Variants in ENTPD7 observed in about 807,000 individuals in gnomAD.
ENTPD7 encodes NTPDase 7.
In ENTPD7, 53 loss-of-function variants were observed where a neutral mutation model predicts 77.9. The observed-to-expected ratio is 0.68, with a 90% CI of 0.55 to 0.85. The LOEUF is 0.85. ENTPD7 is among the 40% of genes least tolerant of loss of function. ENTPD7 has a pLI of 0.00. For missense variants in ENTPD7, 636 were observed against 743.7 expected (o/e 0.86, Z 1.68); for synonymous variants, 248 against 274.9 (o/e 0.90, Z 0.97).
rs192441686 is a variant in ENTPD7 at position 99,708,590 on chromosome 10, T to C, written c.*3907T>C. ...ACAAGGTAGAAAAATCATATGATTT[T>C]GGGAAGAGCATTTTGTCCTTTGGTT... is the stretch of plus-strand genomic sequence containing the variant. On this transcript the variant is annotated 3_prime_UTR_variant, in exon 13 of 13. Transcript: ENST00000370489. Among the ~76,000 whole-genome samples, 1 of 152,228 alleles carries C rather than the reference T, an allele frequency of 6.6e-6. No homozygotes were observed. The highest frequency in any genetic ancestry group is 1.5e-5 in the Non-Finnish European group (1 of 68,040).
At chr10:99,681,561 C>T (rs1037025907) in intron 5 of ENTPD7, among the ~76,000 whole-genome samples, 2 of 152,074 alleles carry the variant, frequency 1.3e-5, no homozygotes, top group African/African-American at 2.4e-5. Flanking sequence ...GAATTACAGG[C>T]GTGAGCCACC....
chr10:99,704,399 C>CCCTTTGAA, intron 12 of ENTPD7, 53 bp from the exon 13 acceptor site: 1 of 1,566,194 alleles, frequency 6.4e-7, no homozygotes, highest in Non-Finnish European at 8.8e-7. Flanking sequence ...GTAAATGTCT[C>CCCTTTGAA]CCTTTGAAAC....
chr10:99,708,755 A>T lies in ENTPD7; in HGVS notation c.*4072A>T. 2 of 855,378 alleles carry T rather than the reference A, an allele frequency of 2.3e-6. No individual in the cohort carries two copies. The highest frequency in any genetic ancestry group is 2.8e-6 in the Non-Finnish European group (2 of 711,328). 53.0% of individuals were successfully genotyped at this position (855,378 alleles called of 1,614,324 possible). On this transcript the variant is annotated 3_prime_UTR_variant, in exon 13 of 13. Transcript: ENST00000370489. ...AGCTTCTGGTCAACCCCCTTGATTTATATGGGTGATAAAACTGAGGCCTAG... is the reference window on the plus strand; with the variant it reads ...AGCTTCTGGTCAACCCCCTTGATTTTTATGGGTGATAAAACTGAGGCCTAG...
chr10:99,686,034 G>C, intron 6 of ENTPD7, 139 bp downstream of exon 6: 1 of 567,912 alleles, frequency 1.8e-6, no homozygotes, highest in East Asian at 2.9e-5. Context: ...CTACATAGTT[G>C]ATTTGATTAT....
At chr10:99,678,482 G>GA (rs930878059) in intron 3 of ENTPD7, among the ~76,000 whole-genome samples, 2 of 141,838 alleles carry the variant, frequency 1.4e-5, no homozygotes, top group African/African-American at 2.6e-5. Flanking sequence ...AAAGAAAAAA[G>GA]AAAAAAAAAG....
At chr10:99,684,940 T>C (rs924069558) in intron 5 of ENTPD7, among the ~76,000 whole-genome samples, 2 of 152,116 alleles carry the variant, frequency 1.3e-5, no homozygotes, top group Non-Finnish European at 2.9e-5. Flanking sequence ...AAATCAACCC[T>C]TGAAATATGG....
chr10:99,708,244 C>CT lies in ENTPD7; in HGVS notation c.*3562dup, dbSNP rs1324533960. ...CTGAAAAATGTCTGCCATGCACTTG[C>CT]TAAGCTAGTGTTTTTAGGCATTAAC... On this transcript the variant is annotated 3_prime_UTR_variant, in exon 13 of 13. Coordinates refer to ENST00000370489, the MANE Select transcript of ENTPD7 (RefSeq NM_020354.5). 6.6e-6 allele frequency among the ~76,000 whole-genome samples: 1 copy of CT among 152,118 alleles called. No homozygotes were observed. Among genetic ancestry groups the CT allele is most frequent in the East Asian group, 1.9e-4 (1 of 5,206 alleles).
At chr10:99,703,196 C>G (rs916862920) in intron 12 of ENTPD7, among the ~76,000 whole-genome samples, 11 of 152,032 alleles carry the variant, frequency 7.2e-5, no homozygotes, top group African/African-American at 2.7e-4. Flanking sequence ...ACTCTGGTAG[C>G]CTGATACCTT....
At chr10:99,679,665 G>T in intron 4 of ENTPD7, 60 bp from the exon 5 acceptor site, 1 of 1,552,556 alleles carries the variant, frequency 6.4e-7, no homozygotes. Flanking sequence ...TCAGTTTCCT[G>T]AGTCTTATGT....
intron 3 of ENTPD7, among the ~76,000 whole-genome samples, chr10:99,663,248 T>C (rs1468832992): frequency 6.6e-6 from 1 of 152,200 alleles, no homozygotes; most frequent in African/African-American, 2.4e-5. Flanking sequence ...GAACTCTAGG[T>C]TGATCATTTT....
At chr10:99,691,634 G>T in intron 8 of ENTPD7, 116 bp downstream of exon 8, 2 of 1,162,918 alleles carry the variant, frequency 1.7e-6, no homozygotes, top group Non-Finnish European at 2.4e-6. Context: ...TCAGATACTT[G>T]CTAGCTTGCG....
At chr10:99,679,676 G>A in intron 4 of ENTPD7, 49 bp from the exon 5 acceptor site, 1 of 1,575,002 alleles carries the variant, frequency 6.3e-7, no homozygotes, top group South Asian at 1.2e-5. Flanking sequence ...AGTCTTATGT[G>A]AGCCGCTTTT....
chr10:99,709,583 C>G lies in ENTPD7; in HGVS notation c.*4900C>G. ...TATAGAATAGCAACAGTGAATATACCTCAAATTGAAAACTTTTAGGTTGTG... is the reference window on the plus strand; with the variant it reads ...TATAGAATAGCAACAGTGAATATACGTCAAATTGAAAACTTTTAGGTTGTG... On this transcript the variant is annotated 3_prime_UTR_variant, in exon 13 of 13. Transcript: ENST00000370489. 1.0e-6 allele frequency: 1 copy of G among 984,788 alleles called. No individual in the cohort carries two copies. Among genetic ancestry groups the G allele is most frequent in the South Asian group, 4.7e-5 (1 of 21,262 alleles). The allele number at this position is 984,788 out of a possible 1,614,324, so 61.0% of individuals were successfully genotyped here. A position where few individuals can be genotyped will look rare whatever the true frequency, so the allele number is the denominator to read the frequency against.
At position 99,691,495 on chromosome 10, in the gene ENTPD7, AC is replaced by A. The variant is rs761629032; in HGVS notation, c.822del (p.Ser275LeufsTer55). 5.0e-6 allele frequency: 8 copies of A among 1,613,810 alleles called. No homozygotes were observed. In the African/African-American group the frequency reaches 1.1e-4, roughly 22 times the overall value. On this transcript the variant is annotated frameshift_variant, in exon 8 of 13. Coordinates refer to ENST00000370489, the MANE Select transcript of ENTPD7 (RefSeq NM_020354.5). LOFTEE classifies it high-confidence loss of function. Reference sequence around the variant, plus strand: ...AATTGCTTATGAAGTTCCTACCTCAACCTCTGTCCTTCCTGCAAAGCAGGTA... The same window carrying A: ...AATTGCTTATGAAGTTCCTACCTCAACTCTGTCCTTCCTGCAAAGCAGGTA... The part of the protein sequence containing the change: ...LQIAYEVPTS[T>X]SVLPAKQEEA...
rs955723057 is a variant in ENTPD7 at position 99,704,849 on chromosome 10, T to A, written c.*166T>A. The A allele has an allele frequency of 4.6e-6, 3 of 650,720 alleles. No individual in the cohort carries two copies. The highest frequency in any genetic ancestry group is 3.7e-5 in the African/African-American group (2 of 54,702). 40.3% of individuals were successfully genotyped at this position (650,720 alleles called of 1,614,324 possible). A position where few individuals can be genotyped will look rare whatever the true frequency, so the allele number is the denominator to read the frequency against. ...GTAATTCCTTCTCCGTACCCAGGTC[T>A]TCTCTGAGAGAAGCTATAATTTAAT... On this transcript the variant is annotated 3_prime_UTR_variant, in exon 13 of 13. Coordinates refer to ENST00000370489, the MANE Select transcript of ENTPD7 (RefSeq NM_020354.5).
chr10:99,691,068 C>T (rs2035876547), intron 7 of ENTPD7, among the ~76,000 whole-genome samples: 1 of 152,100 alleles, frequency 6.6e-6, no homozygotes, highest in Admixed American at 6.5e-5. Context: ...CTCACTGCAG[C>T]CTCAAACTCT....
intron 3 of ENTPD7, among the ~76,000 whole-genome samples, chr10:99,672,885 T>G (rs1269834944): frequency 6.6e-6 from 1 of 152,178 alleles, no homozygotes; most frequent in Non-Finnish European, 1.5e-5. Context: ...ATCACTGAGC[T>G]CTGTTTGAAC....
At chr10:99,662,461 C>T (rs1421123010) in intron 3 of ENTPD7, among the ~76,000 whole-genome samples, 1 of 152,106 alleles carries the variant, frequency 6.6e-6, no homozygotes, top group Non-Finnish European at 1.5e-5. Flanking sequence ...TTCATTCCTC[C>T]CTTCCCCTTG....
At chr10:99,686,101 A>G (rs529866749) in intron 6 of ENTPD7, among the ~76,000 whole-genome samples, 2 of 152,296 alleles carry the variant, frequency 1.3e-5, no homozygotes, top group Non-Finnish European at 2.9e-5. Context: ...TCAAAAATGT[A>G]TATCTCTTTT....
Sources: gnomAD v4.1 joint callset for allele counts (sites outside exome capture counted in the v4.1 genomes callset) on GRCh38, gnomAD v4.1.1 for gene constraint, MANE v1.5 for transcripts, NCBI Gene and HGNC (gene_info 2026-07-23, HGNC 2026-07-21) for gene names.